The following TXNRD2 variants were observed in gnomAD, a reference collection of about 807,000 sequenced individuals.
The protein encoded by TXNRD2 is thioredoxin reductase 2, mitochondrial.
TXNRD2 carries 67 observed loss-of-function variants against 70.8 expected under a neutral mutation model. That is an observed-to-expected ratio of 0.95 (90% CI 0.78 to 1.16). TXNRD2 has a LOEUF of 1.16. Ranked by LOEUF, TXNRD2 falls within the 50% of genes most tolerant of loss-of-function variation. The pLI, the probability that TXNRD2 is intolerant of heterozygous loss-of-function variation, is 0.00. For synonymous variants in TXNRD2, 301 were observed against 295.8 expected (o/e 1.02, Z -0.18); for missense variants, 644 against 719.9 (o/e 0.89, Z 1.21).
At chr22:19,931,665 A>G (rs550208092) in intron 1 of TXNRD2, among the ~76,000 whole-genome samples, 9 of 152,118 alleles carry the variant, frequency 5.9e-5, no homozygotes, top group Non-Finnish European at 1.2e-4. Flanking sequence ...CACCACGTCC[A>G]GCTAAATTTT....
At chr22:19,884,472 G>A (rs1938933034) in intron 11 of TXNRD2, 1 of 152,222 alleles carries the variant, frequency 6.6e-6, no homozygotes, top group Admixed American at 6.5e-5. Flanking sequence ...AGTGCCAGTG[G>A]CTCTGGTACT....
At chr22:19,878,716 G>A (rs1179001714) in intron 14 of TXNRD2, among the ~76,000 whole-genome samples, 1 of 152,262 alleles carries the variant, frequency 6.6e-6, no homozygotes, top group Admixed American at 6.5e-5. Flanking sequence ...CAGCAGAGCA[G>A]GCATCAGGCA....
rs929864394 is a variant in TXNRD2, at chr22:19,920,457, C to A, written c.173-858G>T. 8.5e-5 allele frequency among the ~76,000 whole-genome samples: 13 copies of A among 152,266 alleles called. No homozygotes were observed. The East Asian group carries it at 2.5e-3, about 29-fold the overall frequency. On this transcript the variant is annotated intron_variant, in intron 2 of 17. Transcript: ENST00000400521. ...AATTGGCCAGGTGTGGTGGTGCAAG[C>A]CTGTAGCCCCAGCTACCCGGGAGGC...
At chr22:19,914,088 A>G (rs993953621) in intron 7 of TXNRD2, among the ~76,000 whole-genome samples, 6 of 152,254 alleles carry the variant, frequency 3.9e-5, no homozygotes, top group African/African-American at 7.2e-5. Context: ...CAATAAAAAA[A>G]TTACAAGATA....
At chr22:19,880,090 G>C in intron 14 of TXNRD2, 89 bp downstream of exon 14, 2 of 1,371,950 alleles carry the variant, frequency 1.5e-6, no homozygotes, top group Non-Finnish European at 2.0e-6. Context: ...GAGAGACCTT[G>C]GCACCCTGCT....
intron 11 of TXNRD2, among the ~76,000 whole-genome samples, chr22:19,884,893 A>G (rs1354958322): frequency 6.6e-6 from 1 of 152,178 alleles, no homozygotes; most frequent in East Asian, 1.9e-4. Flanking sequence ...CCTGGCACAC[A>G]GTCCCAGCCT....
intron 10 of TXNRD2, among the ~76,000 whole-genome samples, chr22:19,897,615 A>G (rs1439199765): frequency 1.3e-5 from 2 of 152,094 alleles, no homozygotes; most frequent in East Asian, 3.9e-4. Context: ...CCCTCACCCC[A>G]GCTCACACAT....
chr22:19,937,787 TAAGGGTAA>T (rs1941581033), intron 1 of TXNRD2, among the ~76,000 whole-genome samples: 2 of 152,172 alleles, frequency 1.3e-5, no homozygotes, highest in African/African-American at 4.8e-5. Flanking sequence ...TGCGTTGTCG[TAAGGGTAA>T]ACATTGGGCA....
chr22:19,905,600 G>A (rs370349542), intron 8 of TXNRD2, among the ~76,000 whole-genome samples: 6 of 152,128 alleles, frequency 3.9e-5, no homozygotes, highest in Non-Finnish European at 5.9e-5. Context: ...GACCGTCACC[G>A]AAGACCCCAG....
intron 11 of TXNRD2, among the ~76,000 whole-genome samples, chr22:19,889,227 T>G (rs1939160923): frequency 6.6e-6 from 1 of 152,164 alleles, no homozygotes; most frequent in Non-Finnish European, 1.5e-5. Context: ...GACCCCACAG[T>G]CAGCCTTGGA....
At chr22:19,941,519 G>A in intron 1 of TXNRD2, 182 bp downstream of exon 1, 1 of 1,079,434 alleles carries the variant, frequency 9.3e-7, no homozygotes, top group Non-Finnish European at 1.2e-6. Flanking sequence ...CTGGGAAGGG[G>A]GCTACTTGTG....
chr22:19,941,059 G>A (rs45551837), intron 1 of TXNRD2, among the ~76,000 whole-genome samples: 4,252 of 152,178 alleles, frequency 0.028, 147 homozygotes, highest in African/African-American at 0.081. Context: ...GGGCTGGGTC[G>A]AGGGGCCCCC....
chr22:19,886,635 T>A (rs1939045021), intron 11 of TXNRD2, among the ~76,000 whole-genome samples: 1 of 152,254 alleles, frequency 6.6e-6, no homozygotes. Context: ...TTCAGGCCAT[T>A]TAGGGAAAGA....
rs903877050 is a variant in TXNRD2 at position 19,881,081 on chromosome 22, C to T, written c.1087-364G>A. 3.9e-5 allele frequency: 18 copies of T among 461,756 alleles called. No homozygotes were observed. The South Asian group carries it at 4.4e-4, about 11-fold the overall frequency. The allele number at this position is 461,756 out of a possible 1,614,324, so 28.6% of individuals were successfully genotyped here. ...CCAAGCTCAAAAGAGCCCCTGCTAC[C>T]GTTTTCATTCACTGGAATCCCCGGC... On this transcript the variant is annotated intron_variant, in intron 12 of 17. Coordinates refer to ENST00000400521, the MANE Select transcript of TXNRD2 (RefSeq NM_006440.5).
rs764621618 is a variant in TXNRD2, at chr22:19,880,624, T to C, written c.1180A>G (p.Asn394Asp). The C allele has an allele frequency of 1.6e-5, 26 of 1,613,236 alleles. No homozygotes were observed. The highest frequency in any genetic ancestry group is 2.2e-5 in the Non-Finnish European group (26 of 1,179,954). ...TGGCGTCCTGCTAGAGAACTCACAT[T>C]GTCGTAGTCCATCAGATCTGAGGAC... ...GGSSDLMDYDNVPTTVFTPLE... is the reference protein window; with the variant it reads ...GGSSDLMDYDDVPTTVFTPLE... Residue 394 changes from asparagine (N) to aspartate (D), a missense_variant and splice_region_variant, in exon 13 of 18, where the codon AAT (asparagine) becomes GAT (aspartate). By Grantham distance (23) the Asn-to-Asp change is conservative (BLOSUM62 1). Transcript: ENST00000400521.
At chr22:19,932,666 G>T in intron 1 of TXNRD2, 3 of 1,111,706 alleles carry the variant, frequency 2.7e-6, no homozygotes, top group Middle Eastern at 3.4e-4. Flanking sequence ...AAGACTCTAG[G>T]GTATAAAACA....
At chr22:19,939,215 G>A (rs757668898) in intron 1 of TXNRD2, among the ~76,000 whole-genome samples, 14 of 152,136 alleles carry the variant, frequency 9.2e-5, no homozygotes, top group Admixed American at 3.9e-4. Flanking sequence ...GATCTGTACC[G>A]ACTCCTCAGA....
At chr22:19,941,520 G>A (rs1231422803) in intron 1 of TXNRD2, 181 bp downstream of exon 1, 2 of 1,086,344 alleles carry the variant, frequency 1.8e-6, no homozygotes, top group Non-Finnish European at 2.4e-6. Flanking sequence ...TGGGAAGGGG[G>A]CTACTTGTGG....
intron 12 of TXNRD2, 69 bp from the exon 13 acceptor site, chr22:19,880,786 C>G (rs748588769): frequency 6.1e-6 from 7 of 1,142,112 alleles, no homozygotes; most frequent in Admixed American, 1.8e-5. Flanking sequence ...TATGCCATCA[C>G]CCTTTGCCCT....
Sources: gnomAD v4.1 joint callset for allele counts (sites outside exome capture counted in the v4.1 genomes callset) on GRCh38, gnomAD v4.1.1 for gene constraint, MANE v1.5 for transcripts, NCBI Gene and HGNC (gene_info 2026-07-23, HGNC 2026-07-21) for gene names.